Variants in CFAP206 observed in about 807,000 individuals in gnomAD.
The protein encoded by CFAP206 is cilia and flagella associated protein 206.
In CFAP206, 53 loss-of-function variants were observed where a neutral mutation model predicts 65.4. The observed-to-expected ratio is 0.81, with a 90% CI of 0.65 to 1.02. The LOEUF (loss-of-function observed/expected upper bound fraction) is 1.02. CFAP206 is among the 50% of genes least tolerant of loss of function. The probability of loss-of-function intolerance (pLI) is 0.00; values close to 1 mark genes in which losing one functional copy is unlikely to be tolerated. For missense variants in CFAP206, 663 were observed against 753.2 expected (o/e 0.88, Z 1.40); for synonymous variants, 250 against 254.4 (o/e 0.98, Z 0.17).
chr6:87,417,468 A>T (rs1483334815), intron 6 of CFAP206, among the ~76,000 whole-genome samples: 2 of 152,022 alleles, frequency 1.3e-5, no homozygotes, highest in African/African-American at 4.8e-5. Context: ...CTAAAAAGTC[A>T]AATTTCCATT....
intron 12 of CFAP206, 45 bp from the exon 13 acceptor site, chr6:87,463,975 T>G (rs1189045513): frequency 1.4e-6 from 2 of 1,477,690 alleles, no homozygotes; most frequent in East Asian, 4.6e-5. Flanking sequence ...TTATGTTATT[T>G]GTTCTTTAGA....
chr6:87,457,149 C>CA (rs56842848), intron 11 of CFAP206, among the ~76,000 whole-genome samples: 26,499 of 115,570 alleles, frequency 0.23, 3,294 homozygotes, highest in African/African-American at 0.3. Flanking sequence ...GACAACCTCT[C>CA]AAAAAAAAAA....
intron 7 of CFAP206, among the ~76,000 whole-genome samples, chr6:87,424,071 A>G (rs1475061400): frequency 6.6e-6 from 1 of 152,176 alleles, no homozygotes. Flanking sequence ...TTCTGGTGAC[A>G]TCTTGGGCAA....
chr6:87,412,104 A>C (rs1222827218), intron 3 of CFAP206, among the ~76,000 whole-genome samples: 1 of 152,242 alleles, frequency 6.6e-6, no homozygotes, highest in African/African-American at 2.4e-5. Context: ...AACTCAACTA[A>C]GTTGGAAAGA....
At chr6:87,445,915 T>C (rs1041073253) in intron 11 of CFAP206, among the ~76,000 whole-genome samples, 1 of 152,228 alleles carries the variant, frequency 6.6e-6, no homozygotes, top group African/African-American at 2.4e-5. Flanking sequence ...CATGAGATGA[T>C]ACCTCATTGT....
Position 87,464,217 on chromosome 6 carries a change from G to GGT in CFAP206, c.1838_1839dup (p.Asn614Ter). 6.2e-7 allele frequency: 1 copy of GGT among 1,614,018 alleles called. No individual in the cohort carries two copies. The highest frequency in any genetic ancestry group is 8.5e-7 in the Non-Finnish European group (1 of 1,179,972). ...AGAGCGAAATCACCGATGAGGTCAA[G>GGT]GTGAACTTAACTAGAGATGTGGATG... On this transcript the variant is annotated frameshift_variant, in exon 13 of 13. Transcript: ENST00000369562. LOFTEE classifies it high-confidence loss of function.
chr6:87,464,210 A>T lies in CFAP206; in HGVS notation c.1829A>T (p.Glu610Val). ...GGAGGAAAGAGCGAAATCACCGATG[A>T]GGTCAAGGTGAACTTAACTAGAGAT... is the stretch of plus-strand genomic sequence containing the variant. ...LRGGKSEITD[E>V]VKVNLTRDVD... The change falls in exon 13 of 13, where the codon GAG (glutamate) becomes GTG (valine). Residue 610 changes from glutamate to valine, a missense_variant. Physicochemically the swap from Glu to Val is moderately radical, Grantham distance 121. Transcript: ENST00000369562. 1 of 1,614,090 alleles carries T rather than the reference A, an allele frequency of 6.2e-7. No homozygotes were observed. The highest frequency in any genetic ancestry group is 8.5e-7 in the Non-Finnish European group (1 of 1,179,984).
At chr6:87,415,622 A>T in intron 4 of CFAP206, 64 bp from the exon 5 acceptor site, 2 of 1,419,548 alleles carry the variant, frequency 1.4e-6, no homozygotes, top group Non-Finnish European at 9.9e-7. Flanking sequence ...GTTTTTCTCT[A>T]GTTCTTACGT....
At chr6:87,461,303 T>G (rs1768744950) in intron 12 of CFAP206, 138 bp downstream of exon 12, 2 of 525,900 alleles carry the variant, frequency 3.8e-6, no homozygotes, top group Non-Finnish European at 6.1e-6. Context: ...AAATATAATT[T>G]ATAACTTGCT....
At chr6:87,460,760 T>G (rs1768731646) in intron 11 of CFAP206, among the ~76,000 whole-genome samples, 1 of 152,036 alleles carries the variant, frequency 6.6e-6, no homozygotes, top group Non-Finnish European at 1.5e-5. Context: ...AACCTGCACA[T>G]GTGCCCCCTT....
intron 1 of CFAP206, among the ~76,000 whole-genome samples, chr6:87,409,307 G>C (rs9444495): frequency 0.31 from 46,461 of 150,656 alleles, 7,357 homozygotes; most frequent in African/African-American, 0.39. Context: ...TCCGCCTCCC[G>C]GGTTCAAACG....
At position 87,407,982 on chromosome 6, in the gene CFAP206, C is replaced by T. The variant is rs571691234; in HGVS notation, c.-113C>T. 215 of 985,606 alleles carry T rather than the reference C, an allele frequency of 2.2e-4. No individual in the cohort carries two copies. The Middle Eastern group carries it at 3.7e-3, about 17-fold the overall frequency. The allele number at this position is 985,606 out of a possible 1,614,324, so 61.1% of individuals were successfully genotyped here. On this transcript the variant is annotated 5_prime_UTR_variant, in exon 1 of 13. Transcript: ENST00000369562. ...CCTCTGGTCCGGAGCCTTCCATCTC[C>T]ATGGTTACGCGGCGGTGGCTGCGAG...
intron 11 of CFAP206, chr6:87,435,963 G>A (rs998971600): frequency 2.0e-5 from 3 of 152,058 alleles, no homozygotes; most frequent in Non-Finnish European, 4.4e-5. Flanking sequence ...ACCATGCCAA[G>A]CCTGTTGTTC....
rs1157856734 is a variant in CFAP206 at position 87,413,820 on chromosome 6, C to G, written c.203C>G (p.Thr68Ser). 6.4e-7 allele frequency: 1 copy of G among 1,561,830 alleles called. No individual in the cohort carries two copies. The highest frequency in any genetic ancestry group is 2.0e-5 in the Admixed American group (1 of 50,264). ...GACATTCTTTTCTAGCTTTGTATGA[C>G]TCGGCTATTGGATACTAAAAATCCA... The part of the protein sequence containing the change: ...DVQNLVKLCM[T>S]RLLDTKNPSL... Residue 68 changes from threonine to serine, a missense_variant, in exon 4 of 13, where the codon ACT becomes AGT. Thr to Ser is a moderately conservative substitution (Grantham distance 58). Transcript: ENST00000369562.
At chr6:87,443,456 T>C (rs1170267051) in intron 11 of CFAP206, among the ~76,000 whole-genome samples, 1 of 152,164 alleles carries the variant, frequency 6.6e-6, no homozygotes, top group African/African-American at 2.4e-5. Flanking sequence ...TTTTCTTTTC[T>C]GATCTTTATT....
intron 1 of CFAP206, among the ~76,000 whole-genome samples, chr6:87,409,306 C>T (rs1767686383): frequency 6.6e-6 from 1 of 151,814 alleles, no homozygotes; most frequent in Non-Finnish European, 1.5e-5. Flanking sequence ...CTCCGCCTCC[C>T]GGGTTCAAAC....
At chr6:87,426,871 T>A (rs1768052135) in intron 8 of CFAP206, among the ~76,000 whole-genome samples, 1 of 152,226 alleles carries the variant, frequency 6.6e-6, no homozygotes, top group Non-Finnish European at 1.5e-5. Flanking sequence ...CTGTATAGTA[T>A]GATAACCATA....
chr6:87,445,207 C>T (rs545603067), intron 11 of CFAP206: 49 of 272,918 alleles, frequency 1.8e-4, no homozygotes, highest in African/African-American at 1.0e-3. Context: ...TTTATTATTA[C>T]GTTTTAAATT....
intron 11 of CFAP206, among the ~76,000 whole-genome samples, chr6:87,453,553 T>C (rs1405456224): frequency 6.6e-6 from 1 of 152,108 alleles, no homozygotes; most frequent in Non-Finnish European, 1.5e-5. Context: ...AAGATTTAAA[T>C]AGAAACAACA....
Sources: gnomAD v4.1 joint callset for allele counts (sites outside exome capture counted in the v4.1 genomes callset) on GRCh38, gnomAD v4.1.1 for gene constraint, MANE v1.5 for transcripts, NCBI Gene and HGNC (gene_info 2026-07-23, HGNC 2026-07-21) for gene names.